TEAD4: variants seen among roughly 807,000 people sequenced by gnomAD.
TEAD4 encodes transcriptional enhancer factor TEF-3.
In TEAD4, 36 loss-of-function variants were observed where a neutral mutation model predicts 52.4. The observed-to-expected ratio is 0.69, with a 90% CI of 0.53 to 0.91. The LOEUF is 0.91. Among genes scored for constraint, TEAD4 ranks in the 40% least tolerant of loss-of-function variants. TEAD4 has a pLI of 0.00. For missense variants in TEAD4, 508 were observed against 583.9 expected (o/e 0.87, Z 1.34); for synonymous variants, 220 against 231.0 (o/e 0.95, Z 0.43).
At chr12:3,022,685 A>T (rs1416326948) in intron 10 of TEAD4, among the ~76,000 whole-genome samples, 1 of 152,070 alleles carries the variant, frequency 6.6e-6, no homozygotes, top group Non-Finnish European at 1.5e-5. Context: ...CTGCTCTGGG[A>T]GCTTAGCTTC....
intron 2 of TEAD4, among the ~76,000 whole-genome samples, chr12:2,962,280 A>ATATT (rs2098216048): frequency 7.0e-6 from 1 of 142,028 alleles, no homozygotes; most frequent in African/African-American, 2.6e-5. Flanking sequence ...ATATATTTAT[A>ATATT]TATATTTATT....
At chr12:2,969,585 T>C (rs1024397806) in intron 2 of TEAD4, among the ~76,000 whole-genome samples, 1 of 152,186 alleles carries the variant, frequency 6.6e-6, no homozygotes, top group Non-Finnish European at 1.5e-5. Flanking sequence ...TTTCTCCACA[T>C]ATCAGCATGC....
intron 2 of TEAD4, among the ~76,000 whole-genome samples, chr12:2,972,491 CTTTTTTTTT>C (rs751852771): frequency 3.4e-4 from 12 of 34,796 alleles, no homozygotes; most frequent in Admixed American, 1.0e-3. Context: ...CAGCATGTCT[CTTTTTTTTT>C]TTTTTTTTTT....
chr12:3,017,398 G>C lies in TEAD4; in HGVS notation c.355G>C (p.Asp119His), dbSNP rs769828815. 1 of 1,614,056 alleles carries C rather than the reference G, an allele frequency of 6.2e-7. No homozygotes were observed. The highest frequency in any genetic ancestry group is 1.1e-5 in the South Asian group (1 of 91,074). Residue 119 changes from aspartate (D) to histidine (H), a missense_variant and splice_region_variant, in exon 6 of 13, where the codon GAC becomes CAC. By Grantham distance (81) the Asp-to-His change is moderately conservative (BLOSUM62 -1). Coordinates refer to ENST00000359864, the MANE Select transcript of TEAD4 (RefSeq NM_003213.4). ...TCCTCCCTTGCAATGTCTCCCCCAG[G>C]ACCAGGCAGCTAAGGACAAGGCCCT...
At chr12:2,963,056 AGCT>A (rs2098217158) in intron 2 of TEAD4, among the ~76,000 whole-genome samples, 1 of 152,174 alleles carries the variant, frequency 6.6e-6, no homozygotes, top group African/African-American at 2.4e-5. Flanking sequence ...GAAAGCACAT[AGCT>A]GTTCTGGGGA....
chr12:3,017,883 G>A lies in TEAD4; in HGVS notation c.483+357G>A, dbSNP rs112568045. Among the ~76,000 whole-genome samples the A allele has an allele frequency of 6.5e-3, 987 of 152,340 alleles. 14 individuals carry two copies. The highest frequency in any genetic ancestry group is 0.022 in the African/African-American group (920 of 41,566). ...CCTGAGACCAGCATGTACCTGGGCA[G>A]CTCGTGCCACGCAGCCTCATTCCTG... is the stretch of plus-strand genomic sequence containing the variant. On this transcript the variant is annotated intron_variant, in intron 6 of 12. Transcript: ENST00000359864.
At chr12:3,017,274 C>A (rs755744888) in intron 5 of TEAD4, 124 bp from the exon 6 acceptor site, 1 of 1,290,164 alleles carries the variant, frequency 7.8e-7, no homozygotes, top group African/African-American at 1.5e-5. Flanking sequence ...ACAGACTTAA[C>A]GCCTGGTCCC....
chr12:2,989,691 T>G (rs1044233249), intron 2 of TEAD4, among the ~76,000 whole-genome samples: 1 of 151,874 alleles, frequency 6.6e-6, no homozygotes, highest in Non-Finnish European at 1.5e-5. Context: ...CCACCTGCCT[T>G]GGCCTCCCAA....
chr12:2,991,424 GGCCGAGGTGGA>G (rs374328898), intron 2 of TEAD4, among the ~76,000 whole-genome samples: 3 of 152,316 alleles, frequency 2.0e-5, no homozygotes, highest in Admixed American at 6.5e-5. Context: ...CACTTTGGGA[GGCCGAGGTGGA>G]TGGATCACCT....
chr12:3,017,750 C>T (rs1013084152), intron 6 of TEAD4, among the ~76,000 whole-genome samples: 1 of 152,208 alleles, frequency 6.6e-6, no homozygotes, highest in Non-Finnish European at 1.5e-5. Context: ...ACTCCACAGA[C>T]TTCACAAGGG....
Position 2,959,559 on chromosome 12 carries a change from C to A in TEAD4, c.-123+78C>A. 1.3e-5 allele frequency: 2 copies of A among 149,872 alleles called. No individual in the cohort carries two copies. Among genetic ancestry groups the A allele is most frequent in the South Asian group, 3.6e-4 (2 of 5,480 alleles). 9.3% of individuals were successfully genotyped at this position (149,872 alleles called of 1,614,324 possible). ...CCCCACGCCGCCGCAGCCGACCGCT[C>A]GCGCCGCGTGCTCGGCTGCTCTTTT... On this transcript the variant is annotated intron_variant, in intron 1 of 12. Coordinates refer to ENST00000359864, the MANE Select transcript of TEAD4 (RefSeq NM_003213.4). This position sits in a 1 kb window ranked among gnomAD's most constrained non-coding sequence, Gnocchi z 5.1.
chr12:2,987,965 G>A (rs1262341843), intron 2 of TEAD4, among the ~76,000 whole-genome samples: 1 of 151,794 alleles, frequency 6.6e-6, no homozygotes, highest in Admixed American at 6.6e-5. Flanking sequence ...CTACTTGGGA[G>A]GCTGAGGCAG....
intron 3 of TEAD4, among the ~76,000 whole-genome samples, chr12:3,010,126 G>A (rs1019380557): frequency 1.3e-5 from 2 of 152,226 alleles, no homozygotes; most frequent in South Asian, 4.1e-4. Context: ...CTAGCCAGGG[G>A]TGAAGGGCCA....
chr12:3,032,509 G>A (rs1409541929), intron 10 of TEAD4, among the ~76,000 whole-genome samples: 1 of 152,232 alleles, frequency 6.6e-6, no homozygotes, highest in Non-Finnish European at 1.5e-5. Context: ...AGCTGGGGCA[G>A]AGTCTCAGTT....
intron 2 of TEAD4, among the ~76,000 whole-genome samples, chr12:2,966,011 C>T (rs947998641): frequency 3.9e-5 from 6 of 152,034 alleles, no homozygotes; most frequent in South Asian, 4.1e-4. Flanking sequence ...CAGGTGTACA[C>T]GGTTGCACTC....
At position 3,012,200 on chromosome 12, in the gene TEAD4, C is replaced by T. The variant is rs1287094137; in HGVS notation, c.322C>T (p.Arg108Cys). The change falls in exon 5 of 13, where the codon CGC (arginine) becomes TGC (cysteine). Residue 108 changes from arginine to cysteine, a missense_variant. By Grantham distance (180) the Arg-to-Cys change is radical (BLOSUM62 -3). Transcript: ENST00000359864. ...CAGCCACATCCAGGTGCTGGCTCGT[C>T]GCAAAGCTCGCGAGATCCAGGCCAA... is the stretch of plus-strand genomic sequence containing the variant. 9 of 1,613,956 alleles carry T rather than the reference C, an allele frequency of 5.6e-6. No individual in the cohort carries two copies. The highest frequency in any genetic ancestry group is 5.0e-5 in the Admixed American group (3 of 59,996).
intron 10 of TEAD4, among the ~76,000 whole-genome samples, chr12:3,023,235 G>A (rs376209751): frequency 1.1e-3 from 165 of 152,196 alleles, no homozygotes; most frequent in African/African-American, 3.7e-3. Flanking sequence ...AGGCTGTTGC[G>A]GCCTGGGAGT....
intron 2 of TEAD4, among the ~76,000 whole-genome samples, chr12:2,970,476 G>A (rs867023298): frequency 4.6e-5 from 7 of 152,218 alleles, no homozygotes; most frequent in Non-Finnish European, 8.8e-5. Flanking sequence ...AATAACCACT[G>A]TGTAAGTGTT....
intron 3 of TEAD4, among the ~76,000 whole-genome samples, chr12:3,009,762 C>T (rs116761764): frequency 2.1e-4 from 32 of 152,356 alleles, no homozygotes; most frequent in African/African-American, 6.7e-4. Context: ...CCCCAGACTC[C>T]GATTCTCCCC....
Sources: gnomAD v4.1 joint callset for allele counts (sites outside exome capture counted in the v4.1 genomes callset) on GRCh38, gnomAD v4.1.1 for gene constraint, Gnocchi (gnomAD v3.1) non-coding constraint, MANE v1.5 for transcripts, NCBI Gene and HGNC (gene_info 2026-07-23, HGNC 2026-07-21) for gene names.